RNF145: variants seen among roughly 807,000 people sequenced by gnomAD.
RNF145 encodes ring finger protein 145.
In RNF145, 12 loss-of-function variants were observed where a neutral mutation model predicts 57.3. That is an observed-to-expected ratio of 0.21 (90% confidence interval 0.13 to 0.34). The LOEUF (loss-of-function observed/expected upper bound fraction) is 0.34, where lower values mean the gene tolerates loss of function less well. RNF145 is among the 10% of genes least tolerant of loss of function. The pLI is 1.00. For synonymous variants in RNF145, 262 were observed against 288.3 expected (o/e 0.91, Z 0.92); for missense variants, 429 against 799.0 (o/e 0.54, Z 5.58).
intron 2 of RNF145, 123 bp downstream of exon 2, chr5:159,203,311 T>C (rs1006692318): frequency 4.5e-6 from 3 of 662,734 alleles, no homozygotes; most frequent in Non-Finnish European, 7.9e-6. Context: ...TAAACACTCA[T>C]CAATAACTAT....
intron 2 of RNF145, among the ~76,000 whole-genome samples, chr5:159,201,414 T>C (rs1205648061): frequency 5.9e-5 from 9 of 152,218 alleles, no homozygotes; most frequent in Non-Finnish European, 1.0e-4. Flanking sequence ...CTGTACAAAA[T>C]AGCAGAAGGT....
At chr5:159,209,654 G>T, upstream of RNF145, 1 of 976,250 alleles carries the variant, frequency 1.0e-6, no homozygotes, top group Non-Finnish European at 1.3e-6. Flanking sequence ...AATCGCGCCC[G>T]CGGAGTGCTT....
chr5:159,168,023 T>C (rs930385101), intron 8 of RNF145, among the ~76,000 whole-genome samples: 6 of 152,274 alleles, frequency 3.9e-5, no homozygotes, highest in South Asian at 2.1e-4. Context: ...AGAATGCAGA[T>C]AGAGAACTAG....
chr5:159,165,089 A>G (rs1388075326), intron 8 of RNF145, among the ~76,000 whole-genome samples: 1 of 147,730 alleles, frequency 6.8e-6, no homozygotes, highest in Non-Finnish European at 1.5e-5. Context: ...TACTGTCATC[A>G]TTTGTCTGTG....
At chr5:159,162,713 C>T (rs1284448929) in intron 9 of RNF145, among the ~76,000 whole-genome samples, 2 of 152,078 alleles carry the variant, frequency 1.3e-5, no homozygotes, top group Non-Finnish European at 2.9e-5. Flanking sequence ...GGATTACAGG[C>T]GTGAGCCACC....
rs1010426897 is a variant in RNF145 at position 159,157,436 on chromosome 5, C to T, written c.*1234G>A. 6.5e-6 allele frequency: 1 copy of T among 152,674 alleles called. No homozygotes were observed. Among genetic ancestry groups the T allele is most frequent in the Non-Finnish European group, 1.5e-5 (1 of 68,024 alleles). 9.5% of individuals were successfully genotyped at this position (152,674 alleles called of 1,614,324 possible). A position where few individuals can be genotyped will look rare whatever the true frequency, so the allele number is the denominator to read the frequency against. On this transcript the variant is annotated 3_prime_UTR_variant, in exon 11 of 11. Coordinates refer to ENST00000424310, the MANE Select transcript of RNF145 (RefSeq NM_001199383.2). ...ATCTTCAAATTTAAATTTATTAAGACATTCAGCTATGTCTGTCAGTCTACA... is the reference window on the plus strand; with the variant it reads ...ATCTTCAAATTTAAATTTATTAAGATATTCAGCTATGTCTGTCAGTCTACA...
intron 3 of RNF145, among the ~76,000 whole-genome samples, chr5:159,185,425 A>T (rs903242709): frequency 6.6e-6 from 1 of 152,240 alleles, no homozygotes; most frequent in Non-Finnish European, 1.5e-5. Context: ...AAAAATCTCT[A>T]TATCTTACTT....
Position 159,209,539 on chromosome 5 carries a change from C to A in RNF145, c.-348G>T. ...TGGCCTCCTGCGTTTGCTCCTCCCG[C>A]CCCCGGCGCTCTGCGGCGGCCGCGG... On this transcript the variant is annotated 5_prime_UTR_variant, in exon 1 of 11. Coordinates refer to ENST00000424310, the MANE Select transcript of RNF145 (RefSeq NM_001199383.2). The A allele has an allele frequency of 1.0e-6, 1 of 981,774 alleles. No individual in the cohort carries two copies. Among genetic ancestry groups the A allele is most frequent in the African/African-American group, 1.8e-5 (1 of 56,784 alleles). 60.8% of individuals were successfully genotyped at this position (981,774 alleles called of 1,614,324 possible).
At chr5:159,179,013 A>G (rs1472524708) in intron 4 of RNF145, among the ~76,000 whole-genome samples, 1 of 152,108 alleles carries the variant, frequency 6.6e-6, no homozygotes, top group Non-Finnish European at 1.5e-5. Flanking sequence ...TCCTAATTAT[A>G]TAGAAAACAA....
Position 159,158,375 on chromosome 5 carries a change from G to T in RNF145, c.*295C>A, listed in dbSNP as rs1028813078. The T allele has an allele frequency of 2.9e-6, 1 of 342,362 alleles. No individual in the cohort carries two copies. The highest frequency in any genetic ancestry group is 5.5e-6 in the Non-Finnish European group (1 of 183,264). 21.2% of individuals were successfully genotyped at this position (342,362 alleles called of 1,614,324 possible). ...ATCTGATTTTATTTCTCTCTCACAC[G>T]TATCAGGGGCAGTTTCTGAAGTTGC... On this transcript the variant is annotated 3_prime_UTR_variant, in exon 11 of 11. Coordinates refer to ENST00000424310, the MANE Select transcript of RNF145 (RefSeq NM_001199383.2).
At position 159,200,598 on chromosome 5, in the gene RNF145, T is replaced by C. The variant is rs139011727; in HGVS notation, c.184+2836A>G. 6.6e-5 allele frequency among the ~76,000 whole-genome samples: 10 copies of C among 152,302 alleles called. No individual in the cohort carries two copies. In the East Asian group the frequency reaches 1.7e-3, roughly 26 times the overall value. On this transcript the variant is annotated intron_variant, in intron 2 of 10. Transcript: ENST00000424310. ...TAAGATAAAATACAACAGAATTCTTTATAAACTCAAGAATAAAGAAGGCTT... is the reference window on the plus strand; with the variant it reads ...TAAGATAAAATACAACAGAATTCTTCATAAACTCAAGAATAAAGAAGGCTT...
chr5:159,207,856 T>TA, intron 1 of RNF145: 3 of 1,614,060 alleles, frequency 1.9e-6, no homozygotes, highest in Non-Finnish European at 1.7e-6. Flanking sequence ...TCTTTCAACT[T>TA]AAGGAACAGA....
At chr5:159,159,798 C>A (rs1023900795) in intron 10 of RNF145, among the ~76,000 whole-genome samples, 2 of 152,126 alleles carry the variant, frequency 1.3e-5, no homozygotes, top group Non-Finnish European at 2.9e-5. Context: ...AAGAGAGAAG[C>A]CTGAAGACAT....
At chr5:159,208,158 T>A in intron 1 of RNF145, 3 of 1,408,550 alleles carry the variant, frequency 2.1e-6, no homozygotes, top group Non-Finnish European at 2.8e-6. Context: ...CAGATGCGTT[T>A]GAACTACAGT....
chr5:159,204,889 G>A (rs1002906810), intron 1 of RNF145, among the ~76,000 whole-genome samples: 44 of 151,030 alleles, frequency 2.9e-4, no homozygotes, highest in Non-Finnish European at 5.7e-4. Context: ...TGTTGGCTCT[G>A]ACAATATCCT....
intron 1 of RNF145, among the ~76,000 whole-genome samples, chr5:159,204,456 C>T (rs1785794082): frequency 6.6e-6 from 1 of 151,984 alleles, no homozygotes; most frequent in South Asian, 2.1e-4. Flanking sequence ...AGGGACAATT[C>T]AATGCCATAC....
upstream of RNF145, chr5:159,209,598 C>G (rs1786041065): frequency 2.9e-6 from 3 of 1,051,186 alleles, no homozygotes; most frequent in Non-Finnish European, 3.5e-6. Flanking sequence ...GCGCGCGGCC[C>G]AGCCAGCGCG....
chr5:159,189,461 C>A (rs1364190413), intron 3 of RNF145, among the ~76,000 whole-genome samples: 1 of 152,138 alleles, frequency 6.6e-6, no homozygotes, highest in Non-Finnish European at 1.5e-5. Flanking sequence ...TGGATGCTGG[C>A]AAGAATGTAG....
intron 6 of RNF145, among the ~76,000 whole-genome samples, chr5:159,173,207 A>G (rs1378148542): frequency 2.0e-5 from 3 of 152,184 alleles, no homozygotes; most frequent in African/African-American, 7.2e-5. Context: ...AAAAATTTGT[A>G]AACTTTCTTA....
Sources: gnomAD v4.1 joint callset for allele counts (sites outside exome capture counted in the v4.1 genomes callset) on GRCh38, gnomAD v4.1.1 for gene constraint, MANE v1.5 for transcripts, NCBI Gene and HGNC (gene_info 2026-07-23, HGNC 2026-07-21) for gene names.